The following GCSAML variants were observed in gnomAD, a reference collection of about 807,000 sequenced individuals.
GCSAML encodes germinal center-associated signaling and motility-like protein.
In GCSAML, 9 loss-of-function variants were observed where a neutral mutation model predicts 13.0. That is an observed-to-expected ratio of 0.69 (90% CI 0.42 to 1.21). The LOEUF is 1.21. Among genes scored for constraint, GCSAML ranks in the 50% most tolerant of loss-of-function variants. The pLI, the probability that GCSAML is intolerant of heterozygous loss-of-function variation, is 0.00. For synonymous variants in GCSAML, 37 were observed against 52.9 expected (o/e 0.70, Z 1.31); for missense variants, 143 against 153.4 (o/e 0.93, Z 0.36).
At chr1:247,565,725 C>T in intron 3 of GCSAML, 1 of 529,238 alleles carries the variant, frequency 1.9e-6, no homozygotes, top group African/African-American at 2.0e-5. Context: ...TCTCAGAACA[C>T]ATGTTCTTTC....
Position 247,574,135 on chromosome 1 carries a change from C to G in GCSAML, c.169-8C>G. The G allele has an allele frequency of 6.2e-7, 1 of 1,613,648 alleles. No individual in the cohort carries two copies. On this transcript the variant is annotated splice_region_variant and splice_polypyrimidine_tract_variant and intron_variant, in intron 4 of 4. Transcript: ENST00000366488. ...ATCCTTGATTTCTTTTCTCTTTGTG[C>G]TTGGCAGGAAAACGAGAATGGCAGT...
chr1:247,537,173 A>T (rs1300150907), intron 2 of GCSAML, among the ~76,000 whole-genome samples: 1 of 152,152 alleles, frequency 6.6e-6, no homozygotes, highest in South Asian at 2.1e-4. Flanking sequence ...TGCTTTCTCT[A>T]TGTATGGATT....
intron 1 of GCSAML, among the ~76,000 whole-genome samples, chr1:247,513,835 G>C (rs1184187942): frequency 2.0e-5 from 3 of 152,162 alleles, no homozygotes; most frequent in Admixed American, 1.3e-4. Flanking sequence ...CCCTCTGTGG[G>C]CTGCACCCAC....
At chr1:247,545,864 C>T (rs1260363146), upstream of GCSAML, among the ~76,000 whole-genome samples, 7 of 152,126 alleles carry the variant, frequency 4.6e-5, no homozygotes, top group Admixed American at 4.6e-4. Flanking sequence ...CTCATTGTTA[C>T]AGCATAGTAT....
chr1:247,523,083 A>G (rs2103317389), intron 1 of GCSAML, among the ~76,000 whole-genome samples: 1 of 152,232 alleles, frequency 6.6e-6, no homozygotes, highest in East Asian at 1.9e-4. Context: ...AAATAAATGA[A>G]CCTCCATCTA....
At chr1:247,507,430 A>G (rs1461192724) in intron 1 of GCSAML, among the ~76,000 whole-genome samples, 4 of 152,242 alleles carry the variant, frequency 2.6e-5, no homozygotes, top group Non-Finnish European at 5.9e-5. Context: ...AAAGGCCTTC[A>G]TAATTTTGTG....
At chr1:247,542,655 A>C (rs1667450987) in intron 2 of GCSAML, among the ~76,000 whole-genome samples, 1 of 152,212 alleles carries the variant, frequency 6.6e-6, no homozygotes, top group Non-Finnish European at 1.5e-5. Context: ...TTTTAATTTT[A>C]CCTAAACTAA....
intron 1 of GCSAML, among the ~76,000 whole-genome samples, chr1:247,507,830 G>A (rs1314688651): frequency 2.6e-5 from 4 of 152,104 alleles, no homozygotes; most frequent in Non-Finnish European, 4.4e-5. Flanking sequence ...CCATGTCCCT[G>A]CAAAGGACAT....
intron 2 of GCSAML, chr1:247,529,518 C>T (rs768690926): frequency 1.3e-5 from 2 of 152,148 alleles, no homozygotes; most frequent in East Asian, 1.9e-4. Flanking sequence ...CTGCAGTCAC[C>T]GTAACCTGAT....
rs989963267 is a variant in GCSAML, at chr1:247,522,390, C to T, written c.-262-4550C>T. On this transcript the variant is annotated intron_variant, in intron 1 of 5. Coordinates refer to the GCSAML transcript ENST00000366489. ...CTGGGAGGTGAGGAGCCCCTCTGCC[C>T]GGCCGCCACCCCGTCTGGGAGGTGT... Among the ~76,000 whole-genome samples, 8 of 151,858 alleles carry T rather than the reference C, an allele frequency of 5.3e-5. No individual in the cohort carries two copies. In the East Asian group the frequency reaches 9.8e-4, roughly 19 times the overall value.
chr1:247,568,328 A>G (rs1366986520), intron 4 of GCSAML, among the ~76,000 whole-genome samples: 1 of 152,192 alleles, frequency 6.6e-6, no homozygotes, highest in Admixed American at 6.6e-5. Flanking sequence ...TAAATCTTTA[A>G]TCCAACTTGA....
At chr1:247,574,058 A>G in intron 4 of GCSAML, 85 bp from the exon 5 acceptor site, 1 of 1,473,416 alleles carries the variant, frequency 6.8e-7, no homozygotes, top group Non-Finnish European at 9.3e-7. Context: ...CATCAGGTGT[A>G]TAAAGAAGAA....
At chr1:247,547,366 AG>A (rs1558250290), upstream of GCSAML, among the ~76,000 whole-genome samples, 1 of 152,142 alleles carries the variant, frequency 6.6e-6, no homozygotes, top group Non-Finnish European at 1.5e-5. Context: ...GAGTTCCAGG[AG>A]ATTTGTTTAC....
chr1:247,566,662 C>A (rs1176228416), intron 4 of GCSAML, among the ~76,000 whole-genome samples: 1 of 152,118 alleles, frequency 6.6e-6, no homozygotes, highest in African/African-American at 2.4e-5. Flanking sequence ...CCCTTTCAAT[C>A]CTTATATCCA....
chr1:247,553,471 AC>A (rs1338193110), intron 1 of GCSAML, among the ~76,000 whole-genome samples: 3 of 152,084 alleles, frequency 2.0e-5, no homozygotes, highest in African/African-American at 7.2e-5. Flanking sequence ...TTTTCTTGTA[AC>A]TGATCATAAT....
At chr1:247,560,709 AT>A (rs1668099404) in intron 2 of GCSAML, among the ~76,000 whole-genome samples, 1 of 152,194 alleles carries the variant, frequency 6.6e-6, no homozygotes, top group Non-Finnish European at 1.5e-5. Flanking sequence ...CTATAAGTAC[AT>A]TAACAACTTA....
chr1:247,563,571 A>T lies in GCSAML; in HGVS notation c.90-19A>T. The T allele has an allele frequency of 1.3e-6, 2 of 1,526,906 alleles. No homozygotes were observed. The highest frequency in any genetic ancestry group is 2.3e-5 in the South Asian group (2 of 87,092). The allele number at this position is 1,526,906 out of a possible 1,614,324, so 94.6% of individuals were successfully genotyped here. ...TGGAGAACCTGGAGTATCTCATGTT[A>T]CTATCTCTTTCCTTGTAGGCAGGAA... On this transcript the variant is annotated intron_variant, in intron 2 of 4. Coordinates refer to ENST00000366488, the MANE Select transcript of GCSAML (RefSeq NM_145278.5).
At chr1:247,507,414 T>A (rs1665868052) in intron 1 of GCSAML, among the ~76,000 whole-genome samples, 1 of 152,178 alleles carries the variant, frequency 6.6e-6, no homozygotes. Flanking sequence ...ATTTAGAGAT[T>A]TGTGGAAAGG....
At chr1:247,521,988 C>T (rs915430974) in intron 1 of GCSAML, among the ~76,000 whole-genome samples, 11 of 150,422 alleles carry the variant, frequency 7.3e-5, no homozygotes, top group South Asian at 2.1e-4. Flanking sequence ...GCCTCTGCCC[C>T]GCTGCCCCGT....
Sources: allele counts gnomAD v4.1 joint callset (sites outside exome capture counted in the v4.1 genomes callset), GRCh38; gene constraint gnomAD v4.1.1; transcripts MANE v1.5; gene names NCBI Gene and HGNC (gene_info 2026-07-23, HGNC 2026-07-21).